LPCAT3: variants seen among roughly 807,000 people sequenced by gnomAD.
LPCAT3 encodes the protein lysophospholipid acyltransferase 5.
A neutral mutation model predicts 63.4 loss-of-function variants in LPCAT3; 21 were observed. The observed-to-expected ratio is 0.33, with a 90% CI of 0.23 to 0.48. The LOEUF (loss-of-function observed/expected upper bound fraction) is 0.48, where lower values mean the gene tolerates loss of function less well. Among genes scored for constraint, LPCAT3 ranks in the 20% least tolerant of loss-of-function variants. The pLI is 0.99. For synonymous variants in LPCAT3, 242 were observed against 227.5 expected, an observed-to-expected ratio of 1.06 and a Z score of -0.58; for missense variants, 451 against 590.6, an observed-to-expected ratio of 0.76 and a Z score of 2.45.
chr12:7,015,864 A>G (rs1946794576), intron 1 of LPCAT3, among the ~76,000 whole-genome samples: 1 of 152,222 alleles, frequency 6.6e-6, no homozygotes, highest in African/African-American at 2.4e-5. Flanking sequence ...AGTCATCTGT[A>G]TGCCCCGTGA....
intron 1 of LPCAT3, among the ~76,000 whole-genome samples, chr12:7,001,106 G>T (rs1946684033): frequency 6.6e-6 from 1 of 151,834 alleles, no homozygotes; most frequent in South Asian, 2.1e-4. Context: ...TGCCCGCTTC[G>T]AACTGACTTA....
At chr12:7,006,463 C>T (rs1031467489) in intron 1 of LPCAT3, among the ~76,000 whole-genome samples, 4 of 152,204 alleles carry the variant, frequency 2.6e-5, no homozygotes, top group Non-Finnish European at 5.9e-5. Flanking sequence ...AAATGATCCG[C>T]CCACCTTGGC....
At chr12:6,981,677 C>T (rs782225546) in intron 4 of LPCAT3, 45 bp from the exon 5 acceptor site, 12 of 1,456,618 alleles carry the variant, frequency 8.2e-6, no homozygotes, top group Non-Finnish European at 1.1e-5. Context: ...GGAGAGGACA[C>T]TGAGGATGTG....
intron 1 of LPCAT3, among the ~76,000 whole-genome samples, chr12:7,000,352 C>T (rs1193432911): frequency 5.9e-5 from 9 of 151,294 alleles, no homozygotes; most frequent in African/African-American, 1.9e-4. Flanking sequence ...CTTTGGGAGG[C>T]CGAGACAGGC....
At chr12:6,992,473 G>A (rs1166866587) in intron 1 of LPCAT3, among the ~76,000 whole-genome samples, 1 of 152,200 alleles carries the variant, frequency 6.6e-6, no homozygotes, top group East Asian at 1.9e-4. Context: ...TAAGGCGCCA[G>A]CAGTTTTACC....
chr12:6,982,566 G>C, intron 3 of LPCAT3, 110 bp downstream of exon 3: 1 of 753,848 alleles, frequency 1.3e-6, no homozygotes, highest in Non-Finnish European at 2.3e-6. Context: ...AGTGCTGGGA[G>C]AGGGGTTAGA....
intron 1 of LPCAT3, among the ~76,000 whole-genome samples, chr12:7,009,089 T>G (rs1946745549): frequency 6.6e-6 from 1 of 152,194 alleles, no homozygotes; most frequent in African/African-American, 2.4e-5. Context: ...GACCTTTCTT[T>G]TTTTTTCTGT....
At position 6,978,231 on chromosome 12, in the gene LPCAT3, T is replaced by C. The variant is rs182528873; in HGVS notation, c.1040+110A>G. The C allele has an allele frequency of 6.7e-4, 876 of 1,312,638 alleles. 4 individuals are homozygous for C. The highest frequency in any genetic ancestry group is 4.6e-5 in the Non-Finnish European group (44 of 952,672). 81.3% of individuals were successfully genotyped at this position (1,312,638 alleles called of 1,614,324 possible). On this transcript the variant is annotated intron_variant, in intron 9 of 12. Coordinates refer to ENST00000261407, the MANE Select transcript of LPCAT3 (RefSeq NM_005768.6). ...AGTCAGTGTGAGCGACAGGGGGTTC[T>C]GCCCAGATGGGAAAGACGCATAGGG...
intron 1 of LPCAT3, among the ~76,000 whole-genome samples, chr12:7,001,139 T>TA (rs1260585438): frequency 1.4e-5 from 2 of 147,438 alleles, no homozygotes; most frequent in Non-Finnish European, 3.0e-5. Flanking sequence ...CTATAGAAAG[T>TA]AAAAAATAAA....
chr12:7,012,126 A>G (rs1441905627), intron 1 of LPCAT3, among the ~76,000 whole-genome samples: 1 of 152,180 alleles, frequency 6.6e-6, no homozygotes, highest in Non-Finnish European at 1.5e-5. Context: ...ATTTTTGATC[A>G]GTCTAACAGC....
intron 1 of LPCAT3, among the ~76,000 whole-genome samples, chr12:7,011,668 A>G (rs1382342038): frequency 1.5e-4 from 21 of 142,798 alleles, no homozygotes; most frequent in African/African-American, 5.6e-4. Context: ...AAAAAAAAAA[A>G]GAAAGAAAGA....
intron 1 of LPCAT3, among the ~76,000 whole-genome samples, chr12:6,989,361 G>A (rs1227219825): frequency 1.3e-5 from 2 of 148,240 alleles, no homozygotes; most frequent in Non-Finnish European, 3.0e-5. Context: ...CCAGGCTGGA[G>A]TGCAGTGGTG....
chr12:7,001,623 A>G, intron 1 of LPCAT3: 1 of 415,006 alleles, frequency 2.4e-6, no homozygotes, highest in Non-Finnish European at 4.9e-6. Context: ...ACAGGTAGGC[A>G]GAGTTGGCTG....
chr12:6,992,312 A>G (rs1946596950), intron 1 of LPCAT3, among the ~76,000 whole-genome samples: 1 of 151,880 alleles, frequency 6.6e-6, no homozygotes, highest in Non-Finnish European at 1.5e-5. Flanking sequence ...TAGCCTGGGT[A>G]AGACCCTGCC....
rs1946428016 is a variant in LPCAT3 at position 6,977,992 on chromosome 12, A to C, written c.1041-247T>G. 1.8e-6 allele frequency: 1 copy of C among 569,612 alleles called. No homozygotes were observed. The highest frequency in any genetic ancestry group is 1.9e-5 in the African/African-American group (1 of 53,278). The allele number at this position is 569,612 out of a possible 1,614,324, so 35.3% of individuals were successfully genotyped here. On this transcript the variant is annotated intron_variant, in intron 9 of 12. Transcript: ENST00000261407. This position sits in a 1 kb window ranked among gnomAD's most constrained non-coding sequence, Gnocchi z 4.5. Reference sequence around the variant, plus strand: ...GCAGCAGTGACTGAGGCTGATGCTGAGATCAGTGGTGAACCAGACACTCTA... The same window carrying C: ...GCAGCAGTGACTGAGGCTGATGCTGCGATCAGTGGTGAACCAGACACTCTA...
intron 1 of LPCAT3, among the ~76,000 whole-genome samples, chr12:6,994,060 C>T (rs911332388): frequency 1.3e-4 from 20 of 152,230 alleles, no homozygotes; most frequent in Admixed American, 1.2e-3. Flanking sequence ...CGGTCTTGAA[C>T]TCCTGGCCTC....
chr12:6,988,698 G>A (rs1339649748), intron 1 of LPCAT3, among the ~76,000 whole-genome samples: 2 of 152,178 alleles, frequency 1.3e-5, no homozygotes, highest in African/African-American at 2.4e-5. Flanking sequence ...ATGAGACACG[G>A]TTCTGACAGC....
intron 1 of LPCAT3, among the ~76,000 whole-genome samples, chr12:6,990,216 A>T (rs1472391629): frequency 1.8e-4 from 27 of 150,842 alleles, no homozygotes; most frequent in Admixed American, 1.8e-3. Context: ...AAATAAAAAT[A>T]AAAAAAATAT....
intron 3 of LPCAT3, 64 bp downstream of exon 3, chr12:6,982,612 G>A (rs2083563930): frequency 4.8e-6 from 6 of 1,240,246 alleles, no homozygotes; most frequent in Non-Finnish European, 7.1e-6. Context: ...ACAGTCCCCT[G>A]CCTACCCCTG....
Sources: gnomAD v4.1 joint callset for allele counts (sites outside exome capture counted in the v4.1 genomes callset) on GRCh38, gnomAD v4.1.1 for gene constraint, Gnocchi (gnomAD v3.1) non-coding constraint, MANE v1.5 for transcripts, NCBI Gene and HGNC (gene_info 2026-07-23, HGNC 2026-07-21) for gene names.